Variants in FRAS1 observed in about 807,000 individuals in gnomAD.
The protein encoded by FRAS1 is extracellular matrix organizing protein FRAS1.
In FRAS1, 290 loss-of-function variants were observed where a neutral mutation model predicts 435.2. That is an observed-to-expected ratio of 0.67 (90% CI 0.61 to 0.73). The LOEUF is 0.73. Ranked by LOEUF, FRAS1 falls within the 30% of genes least tolerant of loss-of-function variation. FRAS1 has a pLI of 0.00. For missense variants in FRAS1, 4,860 were observed against 5,001.5 expected (o/e 0.97, Z 0.85); for synonymous variants, 1,800 against 1,851.0 (o/e 0.97, Z 0.71).
chr4:78,253,263 G>A (rs1328387740), intron 5 of FRAS1, among the ~76,000 whole-genome samples: 1 of 152,126 alleles, frequency 6.6e-6, no homozygotes, highest in African/African-American at 2.4e-5. Flanking sequence ...AGACCTTATG[G>A]TTACCTTCCC....
intron 2 of FRAS1, among the ~76,000 whole-genome samples, chr4:78,183,983 G>A (rs1375161615): frequency 2.6e-5 from 4 of 152,052 alleles, no homozygotes; most frequent in African/African-American, 9.7e-5. Context: ...TGTGTCCATT[G>A]ACCAGTGACG....
In FRAS1 at chr4:78,260,680, C is replaced by T. The variant is rs903429461; in HGVS notation, c.604-4345C>T. 3.9e-5 allele frequency among the ~76,000 whole-genome samples: 6 copies of T among 152,158 alleles called. No homozygotes were observed. In the East Asian group the frequency reaches 5.8e-4, roughly 15 times the overall value. On this transcript the variant is annotated intron_variant, in intron 6 of 73. Coordinates refer to ENST00000512123, the MANE Select transcript of FRAS1 (RefSeq NM_025074.7). ...ACAATTTGACTTCCTCTTTTCCTAACTGAATACCCTTTATTTCCTTCTCCT... is the reference window on the plus strand; with the variant it reads ...ACAATTTGACTTCCTCTTTTCCTAATTGAATACCCTTTATTTCCTTCTCCT...
chr4:78,397,462 C>T (rs1732716385), intron 29 of FRAS1, among the ~76,000 whole-genome samples: 1 of 152,304 alleles, frequency 6.6e-6, no homozygotes, highest in East Asian at 1.9e-4. Flanking sequence ...TGCATGGGCT[C>T]ATGTGCACCA....
rs79682900 is a variant in FRAS1 at position 78,233,683 on chromosome 4, T to C, written c.109-3827T>C. 4.9e-3 allele frequency among the ~76,000 whole-genome samples: 754 copies of C among 152,330 alleles called. 6 individuals are homozygous for C. Among genetic ancestry groups the C allele is most frequent in the East Asian group, 0.045 (231 of 5,178 alleles). On this transcript the variant is annotated intron_variant, in intron 2 of 73. Coordinates refer to ENST00000512123, the MANE Select transcript of FRAS1 (RefSeq NM_025074.7). ...ATAAACTTATTGAATAAGTACTTTC[T>C]CATTTCTATTTTACAGATGAAGAAA...
chr4:78,232,479 G>T (rs1309006937), intron 2 of FRAS1, among the ~76,000 whole-genome samples: 2 of 152,034 alleles, frequency 1.3e-5, no homozygotes, highest in Admixed American at 6.5e-5. Context: ...TAGAGACAGG[G>T]TTTCACCGTG....
At chr4:78,437,888 A>G (rs1462106346) in intron 38 of FRAS1, among the ~76,000 whole-genome samples, 1 of 152,170 alleles carries the variant, frequency 6.6e-6, no homozygotes, top group Non-Finnish European at 1.5e-5. Context: ...TGAAACAGAG[A>G]AAGTCATTTT....
chr4:78,214,621 G>A (rs1444332401), intron 2 of FRAS1, among the ~76,000 whole-genome samples: 3 of 152,214 alleles, frequency 2.0e-5, no homozygotes, highest in Non-Finnish European at 4.4e-5. Context: ...AGATCTGCCT[G>A]TGAAAAGTGT....
At chr4:78,163,745 C>T (rs1193464111) in intron 2 of FRAS1, among the ~76,000 whole-genome samples, 2 of 152,230 alleles carry the variant, frequency 1.3e-5, no homozygotes, top group Non-Finnish European at 2.9e-5. Context: ...TGACATATGA[C>T]TTCCTTCATA....
intron 2 of FRAS1, among the ~76,000 whole-genome samples, chr4:78,130,011 TCCTTA>T (rs1433459263): frequency 1.3e-5 from 2 of 152,216 alleles, no homozygotes; most frequent in African/African-American, 4.8e-5. Flanking sequence ...GGCCTGCTCA[TCCTTA>T]CTGTGTCTGA....
Position 78,525,988 on chromosome 4 carries a change from G to C in FRAS1, c.10809-553G>C, listed in dbSNP as rs150981990. On this transcript the variant is annotated intron_variant, in intron 69 of 73. Transcript: ENST00000512123. Reference sequence around the variant, plus strand: ...TTTGAAAGGGGAACCTCAAAATTGAGTGTGAGTGAAACGGGTGCAGGGACT... The same window carrying C: ...TTTGAAAGGGGAACCTCAAAATTGACTGTGAGTGAAACGGGTGCAGGGACT... Among the ~76,000 whole-genome samples the C allele has an allele frequency of 8.9e-4, 136 of 152,358 alleles. 1 individual carries two copies. The East Asian group carries it at 0.023, about 26-fold the overall frequency.
At chr4:78,534,324 A>G (rs1376945971) in intron 70 of FRAS1, 125 bp from the exon 71 acceptor site, 8 of 682,758 alleles carry the variant, frequency 1.2e-5, no homozygotes, top group Non-Finnish European at 2.0e-5. Context: ...TTCAGTGAAT[A>G]TTTAGTGCCC....
Position 78,526,590 on chromosome 4 carries a change from C to T in FRAS1, c.10858C>T (p.Gln3620Ter). ...YTIYLIPCTV[Q>*]PTQPWVDPGE... ...CATCTACCTGATCCCTTGCACAGTGCAGCCCACACAGCCATGGGTTGACCC... is the reference window on the plus strand; with the variant it reads ...CATCTACCTGATCCCTTGCACAGTGTAGCCCACACAGCCATGGGTTGACCC... The change falls in exon 70 of 74, where the codon CAG becomes TAG. Residue 3620 changes from glutamine (Q) to a stop codon, truncating the protein, a stop_gained. Transcript: ENST00000512123. LOFTEE classifies it high-confidence loss of function. 1.9e-6 allele frequency: 3 copies of T among 1,602,018 alleles called. No homozygotes were observed. The highest frequency in any genetic ancestry group is 1.3e-5 in the African/African-American group (1 of 74,726).
chr4:78,119,079 A>G lies in FRAS1; in HGVS notation c.108+53063A>G, dbSNP rs536976622. Reference sequence around the variant, plus strand: ...CATGTTCTTTTAAAAAAATAATTGTATATATTCATGAGGTACGTAAGGATG... The same window carrying G: ...CATGTTCTTTTAAAAAAATAATTGTGTATATTCATGAGGTACGTAAGGATG... On this transcript the variant is annotated intron_variant, in intron 2 of 73. Transcript: ENST00000512123. Among the ~76,000 whole-genome samples, 8 of 152,210 alleles carry G rather than the reference A, an allele frequency of 5.3e-5. No individual in the cohort carries two copies. In the South Asian group the frequency reaches 6.2e-4, roughly 12 times the overall value.
intron 2 of FRAS1, among the ~76,000 whole-genome samples, chr4:78,126,578 G>A (rs1009309178): frequency 1.3e-5 from 2 of 152,182 alleles, no homozygotes; most frequent in African/African-American, 4.8e-5. Context: ...TAAGTGTATG[G>A]TACAGGAAAT....
chr4:78,225,642 C>T (rs573432312), intron 2 of FRAS1, among the ~76,000 whole-genome samples: 1 of 152,314 alleles, frequency 6.6e-6, no homozygotes, highest in South Asian at 2.1e-4. Flanking sequence ...AGACTGTATT[C>T]ATCTATATCT....
intron 18 of FRAS1, among the ~76,000 whole-genome samples, chr4:78,332,485 C>T (rs1252493232): frequency 6.6e-6 from 1 of 152,192 alleles, no homozygotes; most frequent in East Asian, 1.9e-4. Context: ...GTTGTTCTAA[C>T]ATAGCACTTA....
chr4:78,368,554 A>G (rs996366876), intron 22 of FRAS1, among the ~76,000 whole-genome samples: 4 of 152,186 alleles, frequency 2.6e-5, no homozygotes, highest in Admixed American at 2.0e-4. Flanking sequence ...CTACAATATG[A>G]CAGATAACCA....
In FRAS1 at chr4:78,423,573, G is replaced by C. The variant is rs190196523; in HGVS notation, c.4679-815G>C. On this transcript the variant is annotated intron_variant, in intron 34 of 73. Coordinates refer to ENST00000512123, the MANE Select transcript of FRAS1 (RefSeq NM_025074.7). ...CAAAAGTGGTGATTTCTTATGGTGA[G>C]TTGAACATGGTTTAAGTAATTTTAG... Among the ~76,000 whole-genome samples the C allele has an allele frequency of 4.1e-4, 63 of 152,324 alleles. No homozygotes were observed. The East Asian group carries it at 0.01, about 25-fold the overall frequency.
chr4:78,432,461 C>T lies in FRAS1; in HGVS notation c.5074C>T (p.Leu1692Phe). Residue 1692 changes from leucine (L) to phenylalanine (F), a missense_variant, in exon 38 of 74, where the codon CTC becomes TTC. Leu to Phe is a conservative substitution (Grantham distance 22). Coordinates refer to ENST00000512123, the MANE Select transcript of FRAS1 (RefSeq NM_025074.7). ...DSMEISVTDG[L>F]TVTMLEVRVE... ...CATGGAGATCTCAGTCACAGATGGC[C>T]TCACAGTGACAATGCTGGAGGTGAG... The T allele has an allele frequency of 6.2e-7, 1 of 1,613,342 alleles. No individual in the cohort carries two copies. The highest frequency in any genetic ancestry group is 1.1e-5 in the South Asian group (1 of 90,868).
Sources: allele counts gnomAD v4.1 joint callset (sites outside exome capture counted in the v4.1 genomes callset), GRCh38; gene constraint gnomAD v4.1.1; transcripts MANE v1.5; gene names NCBI Gene and HGNC (gene_info 2026-07-23, HGNC 2026-07-21).